DAB2IP: variants seen among roughly 807,000 people sequenced by gnomAD.
DAB2IP encodes disabled homolog 2-interacting protein.
In DAB2IP, 28 loss-of-function variants were observed where a neutral mutation model predicts 107.2. That is an observed-to-expected ratio of 0.26 (90% CI 0.19 to 0.36). The LOEUF is 0.36. Ranked by LOEUF, DAB2IP falls within the 10% of genes least tolerant of loss-of-function variation. The probability of loss-of-function intolerance (pLI) is 1.00; values close to 1 mark genes in which losing one functional copy is unlikely to be tolerated. For synonymous variants in DAB2IP, 755 were observed against 706.4 expected, an observed-to-expected ratio of 1.07 and a Z score of -1.09; for missense variants, 1,400 against 1,644.7, an observed-to-expected ratio of 0.85 and a Z score of 2.57.
intron 1 of DAB2IP, among the ~76,000 whole-genome samples, chr9:121,586,526 A>G (rs999245103): frequency 1.3e-5 from 2 of 152,074 alleles, no homozygotes; most frequent in Non-Finnish European, 2.9e-5. Flanking sequence ...TCCCCTGTCT[A>G]CAGGGGAGAA....
chr9:121,601,359 T>G (rs1830679022), intron 1 of DAB2IP, among the ~76,000 whole-genome samples: 1 of 152,220 alleles, frequency 6.6e-6, no homozygotes, highest in Non-Finnish European at 1.5e-5. Context: ...TAGTCTTTTT[T>G]GCTAGGATCC....
At chr9:121,686,473 A>T (rs1828884088) in intron 2 of DAB2IP, among the ~76,000 whole-genome samples, 1 of 152,120 alleles carries the variant, frequency 6.6e-6, no homozygotes, top group South Asian at 2.1e-4. Flanking sequence ...GTTCCCGTTA[A>T]GGTGTAAAGG....
intron 2 of DAB2IP, among the ~76,000 whole-genome samples, chr9:121,692,741 G>A (rs912236424): frequency 8.5e-5 from 13 of 152,284 alleles, no homozygotes; most frequent in African/African-American, 2.9e-4. Context: ...CCCCTCTTTC[G>A]CCTGTCACAG....
At chr9:121,771,379 C>T (rs553675320) in intron 11 of DAB2IP, among the ~76,000 whole-genome samples, 1 of 152,260 alleles carries the variant, frequency 6.6e-6, no homozygotes, top group African/African-American at 2.4e-5. Flanking sequence ...TCCTTCTTAC[C>T]CCAGCATGTG....
At chr9:121,727,335 T>A (rs977405189) in intron 3 of DAB2IP, among the ~76,000 whole-genome samples, 1 of 152,258 alleles carries the variant, frequency 6.6e-6, no homozygotes, top group Non-Finnish European at 1.5e-5. Flanking sequence ...TCCCTCTCTG[T>A]CAAATGGGGA....
intron 1 of DAB2IP, among the ~76,000 whole-genome samples, chr9:121,604,914 G>A (rs1219708837): frequency 1.3e-5 from 2 of 152,244 alleles, no homozygotes; most frequent in African/African-American, 4.8e-5. Flanking sequence ...GTCAAGTGGA[G>A]AGCCTCGCAG....
chr9:121,666,117 C>T (rs1209945904), intron 1 of DAB2IP, among the ~76,000 whole-genome samples: 1 of 152,200 alleles, frequency 6.6e-6, no homozygotes, highest in Non-Finnish European at 1.5e-5. Flanking sequence ...CATTTCCTTG[C>T]TTTTGCCAGC....
intron 14 of DAB2IP, among the ~76,000 whole-genome samples, chr9:121,779,754 C>T (rs1173320261): frequency 1.3e-5 from 2 of 152,228 alleles, no homozygotes; most frequent in Non-Finnish European, 2.9e-5. Context: ...TCTTGCCTAG[C>T]CTGGTAATTT....
At chr9:121,734,777 G>C (rs963699736) in intron 3 of DAB2IP, among the ~76,000 whole-genome samples, 1 of 152,190 alleles carries the variant, frequency 6.6e-6, no homozygotes, top group South Asian at 2.1e-4. Flanking sequence ...AGTTGTCTAG[G>C]GGTGAGGCAC....
rs1354324393 is a variant in DAB2IP at position 121,782,693 on chromosome 9, C to T, written c.*195C>T. On this transcript the variant is annotated 3_prime_UTR_variant, in exon 16 of 16. Transcript: ENST00000408936. This position sits in a 1 kb window ranked among gnomAD's most constrained non-coding sequence, Gnocchi z 6.1. The stretch of plus-strand genomic sequence containing the variant: ...AGACTGAAGCAGCGTGAGGCGAGGT[C>T]ACCAGCCGCTCCCTGTGGGGTGCGG... The T allele has an allele frequency of 1.1e-5, 15 of 1,422,836 alleles. No individual in the cohort carries two copies. Among genetic ancestry groups the T allele is most frequent in the Non-Finnish European group, 1.3e-5 (14 of 1,091,766 alleles). The allele number at this position is 1,422,836 out of a possible 1,614,324, so 88.1% of individuals were successfully genotyped here. A position where few individuals can be genotyped will look rare whatever the true frequency, so the allele number is the denominator to read the frequency against.
At chr9:121,657,326 G>T (rs1833010208) in intron 1 of DAB2IP, among the ~76,000 whole-genome samples, 1 of 152,226 alleles carries the variant, frequency 6.6e-6, no homozygotes, top group South Asian at 2.1e-4. Context: ...ACAGGCCCCA[G>T]TGAATCTGCT....
At chr9:121,578,463 A>G (rs929234295) in intron 1 of DAB2IP, among the ~76,000 whole-genome samples, 5 of 151,792 alleles carry the variant, frequency 3.3e-5, no homozygotes, top group African/African-American at 9.7e-5. Context: ...GCAGCAAGAG[A>G]AAAGTGAGGC....
At chr9:121,587,015 C>A (rs961601895) in intron 1 of DAB2IP, among the ~76,000 whole-genome samples, 3 of 152,192 alleles carry the variant, frequency 2.0e-5, no homozygotes, top group Non-Finnish European at 2.9e-5. Flanking sequence ...TAGGCACAGG[C>A]AGCGGGGGTG....
chr9:121,627,238 C>T (rs756590013), intron 1 of DAB2IP, among the ~76,000 whole-genome samples: 24 of 152,076 alleles, frequency 1.6e-4, no homozygotes, highest in Non-Finnish European at 2.5e-4. Flanking sequence ...TGCATCTTCA[C>T]CTCGAAGTCC....
At chr9:121,685,937 G>A (rs1296191327) in intron 2 of DAB2IP, among the ~76,000 whole-genome samples, 1 of 152,230 alleles carries the variant, frequency 6.6e-6, no homozygotes, top group Admixed American at 6.5e-5. Context: ...AGCGACAAGA[G>A]ATCCACGGCA....
At chr9:121,752,557 C>T (rs546420453) in intron 3 of DAB2IP, among the ~76,000 whole-genome samples, 2 of 152,344 alleles carry the variant, frequency 1.3e-5, no homozygotes, top group South Asian at 4.1e-4. Context: ...GGCACTGAAG[C>T]TGGGTGCTGA....
In DAB2IP at chr9:121,635,679, G is replaced by C. The variant is rs1309745859; in HGVS notation, c.41-42999G>C. 2.6e-5 allele frequency among the ~76,000 whole-genome samples: 4 copies of C among 152,248 alleles called. No individual in the cohort carries two copies. The East Asian group carries it at 7.7e-4, about 29-fold the overall frequency. On this transcript the variant is annotated intron_variant, in intron 1 of 16. Transcript: ENST00000259371. This position sits in a 1 kb window ranked among gnomAD's most constrained non-coding sequence, Gnocchi z 4.3. ...GGACAAGAAAGGATATCCAGAGCTA[G>C]AGAGGGTGGGGCTTGAGGGTGGAGG... is the stretch of plus-strand genomic sequence containing the variant.
exon 9 of DAB2IP, chr9:121,766,721 A>G: frequency 1.2e-6 from 2 of 1,613,962 alleles, no homozygotes; most frequent in East Asian, 2.2e-5. Flanking sequence ...AACCTGGCCA[A>G]CTTTGCCAAG....
At chr9:121,631,359 G>A (rs896685804) in intron 1 of DAB2IP, among the ~76,000 whole-genome samples, 17 of 152,070 alleles carry the variant, frequency 1.1e-4, no homozygotes, top group African/African-American at 1.9e-4. Context: ...AAATTTTGAC[G>A]TAAGAGACAG....
Sources: allele counts gnomAD v4.1 joint callset (sites outside exome capture counted in the v4.1 genomes callset), GRCh38; gene constraint gnomAD v4.1.1; non-coding constraint Gnocchi (gnomAD v3.1); transcripts MANE v1.5; gene names NCBI Gene and HGNC (gene_info 2026-07-23, HGNC 2026-07-21).